The following SLC2A9 variants were observed in gnomAD, a reference collection of about 807,000 sequenced individuals.
The protein encoded by SLC2A9 is solute carrier family 2, facilitated glucose transporter member 9.
Under a neutral mutation model 50.6 loss-of-function variants are expected in SLC2A9, and 39 were observed. That is an observed-to-expected ratio of 0.77 (90% CI 0.60 to 1.01). SLC2A9 has a LOEUF of 1.01. SLC2A9 is among the 50% of genes least tolerant of loss of function. The pLI is 0.00. For missense variants in SLC2A9, 686 were observed against 677.6 expected (o/e 1.01, Z -0.14); for synonymous variants, 324 against 276.9 (o/e 1.17, Z -1.69).
At chr4:9,810,423 G>C (rs749575723) in intron 3 of SLC2A9, among the ~76,000 whole-genome samples, 6 of 152,312 alleles carry the variant, frequency 3.9e-5, no homozygotes, top group Non-Finnish European at 8.8e-5. Context: ...CCAGGCCTCA[G>C]GGAGACCCTT....
At chr4:9,833,694 T>TTGGG (rs1726553131) in intron 11 of SLC2A9, among the ~76,000 whole-genome samples, 1 of 152,144 alleles carries the variant, frequency 6.6e-6, no homozygotes, top group Non-Finnish European at 1.5e-5. Flanking sequence ...CTGGGATGTG[T>TTGGG]TGGGCTTGGC....
chr4:9,943,844 C>T (rs1038864918), intron 5 of SLC2A9, among the ~76,000 whole-genome samples: 1 of 152,124 alleles, frequency 6.6e-6, no homozygotes, highest in African/African-American at 2.4e-5. Context: ...GAAGCTCCTA[C>T]CACGTGCCGG....
intron 5 of SLC2A9, among the ~76,000 whole-genome samples, chr4:9,975,480 G>A (rs889880577): frequency 6.6e-6 from 1 of 152,072 alleles, no homozygotes; most frequent in Non-Finnish European, 1.5e-5. Flanking sequence ...ACATACAAGT[G>A]GCCAACAAAC....
intron 3 of SLC2A9, among the ~76,000 whole-genome samples, chr4:9,800,770 G>A (rs1425042460): frequency 1.3e-5 from 2 of 152,206 alleles, no homozygotes; most frequent in African/African-American, 4.8e-5. Flanking sequence ...GTAATCTGGA[G>A]ATGATTTAAA....
At chr4:10,007,795 T>C (rs1017568868) in intron 2 of SLC2A9, among the ~76,000 whole-genome samples, 1 of 152,216 alleles carries the variant, frequency 6.6e-6, no homozygotes, top group East Asian at 1.9e-4. Context: ...AATTCACTTC[T>C]GGATGCTTGA....
At chr4:10,021,532 T>C (rs551555067), upstream of SLC2A9, 1 of 1,557,752 alleles carries the variant, frequency 6.4e-7, no homozygotes, top group African/African-American at 1.4e-5. Context: ...AGGGCGGGAG[T>C]TCCTGACAGG....
chr4:9,993,497 CACA>C (rs1758066669), intron 3 of SLC2A9, among the ~76,000 whole-genome samples: 2 of 152,156 alleles, frequency 1.3e-5, no homozygotes. Flanking sequence ...ATTTAATCTT[CACA>C]ACAACCCTCT....
At chr4:10,015,285 G>A (rs115848729) in intron 2 of SLC2A9, among the ~76,000 whole-genome samples, 2,532 of 152,252 alleles carry the variant, frequency 0.017, 60 homozygotes, top group African/African-American at 0.058. Context: ...GACTGTTGGC[G>A]CCTGCCATTA....
downstream of SLC2A9, among the ~76,000 whole-genome samples, chr4:9,777,245 G>A (rs1221804341): frequency 6.6e-6 from 1 of 151,418 alleles, no homozygotes; most frequent in African/African-American, 2.4e-5. Context: ...AGCTGAAATG[G>A]CAATCTTGTG....
chr4:9,781,598 G>A (rs1338925630), intron 3 of SLC2A9: 1 of 160,266 alleles, frequency 6.2e-6, no homozygotes, highest in African/African-American at 2.4e-5. Context: ...GCGGGACGCG[G>A]GGCCTGGGAG....
At chr4:9,819,148 G>A (rs1466911053) in intron 3 of SLC2A9, among the ~76,000 whole-genome samples, 1 of 147,308 alleles carries the variant, frequency 6.8e-6, no homozygotes, top group Admixed American at 6.7e-5. Flanking sequence ...AAAGTATACA[G>A]GTCTTGATGG....
intron 10 of SLC2A9, chr4:9,879,742 G>C: frequency 3.0e-6 from 3 of 985,454 alleles, no homozygotes; most frequent in Non-Finnish European, 3.6e-6. Flanking sequence ...GCCAGGCACA[G>C]AGTCAGGGCT....
chr4:10,018,877 AGC>A, intron 2 of SLC2A9, 96 bp downstream of exon 2: 1 of 1,202,738 alleles, frequency 8.3e-7, no homozygotes, highest in Middle Eastern at 2.8e-4. Flanking sequence ...CCGCGCCGCG[AGC>A]GCAACAGGAG....
chr4:9,808,815 A>G (rs1051366969), intron 3 of SLC2A9, among the ~76,000 whole-genome samples: 2 of 152,190 alleles, frequency 1.3e-5, no homozygotes, highest in Admixed American at 6.5e-5. Context: ...CCTCTGTCCT[A>G]TGTGGACTTG....
chr4:9,800,609 C>T (rs1289216316), intron 3 of SLC2A9, among the ~76,000 whole-genome samples: 1 of 152,144 alleles, frequency 6.6e-6, no homozygotes, highest in East Asian at 1.9e-4. Flanking sequence ...GTACACTCAG[C>T]CTTCCTGTGA....
intron 2 of SLC2A9, among the ~76,000 whole-genome samples, chr4:9,997,685 G>C (rs1758944584): frequency 6.6e-6 from 1 of 151,750 alleles, no homozygotes; most frequent in Non-Finnish European, 1.5e-5. Flanking sequence ...GGGTGACAGA[G>C]TGACACCCTG....
chr4:9,879,530 T>C (rs1454723411), intron 10 of SLC2A9: 23 of 985,310 alleles, frequency 2.3e-5, no homozygotes, highest in Non-Finnish European at 2.8e-5. Context: ...CAAATGCTGA[T>C]ACGCCCCTGC....
At chr4:9,956,881 C>A (rs549111172) in intron 5 of SLC2A9, among the ~76,000 whole-genome samples, 1 of 152,226 alleles carries the variant, frequency 6.6e-6, no homozygotes, top group South Asian at 2.1e-4. Context: ...CATGGGAATG[C>A]AAGAAATGGC....
intron 7 of SLC2A9, among the ~76,000 whole-genome samples, chr4:9,913,357 C>T (rs200977239): frequency 1.7e-5 from 2 of 116,988 alleles, no homozygotes; most frequent in South Asian, 3.1e-4. Flanking sequence ...GAGAGAGAGA[C>T]AGAGAGAGAG....
Sources: allele counts gnomAD v4.1 joint callset (sites outside exome capture counted in the v4.1 genomes callset), GRCh38; gene constraint gnomAD v4.1.1; transcripts MANE v1.5; gene names NCBI Gene and HGNC (gene_info 2026-07-23, HGNC 2026-07-21).